RDH10: variants seen among roughly 807,000 people sequenced by gnomAD.
RDH10 encodes retinol dehydrogenase 10 (all-trans).
In RDH10, 12 loss-of-function variants were observed where a neutral mutation model predicts 30.2. The ratio of observed to expected loss-of-function variants is 0.40; its 90% confidence interval spans 0.25 to 0.64. The LOEUF is 0.64. Among genes scored for constraint, RDH10 ranks in the 30% least tolerant of loss-of-function variants. The pLI is 0.43. For missense variants in RDH10, 268 were observed against 445.2 expected (o/e 0.60, Z 3.58); for synonymous variants, 189 against 172.2 (o/e 1.10, Z -0.76).
chr8:73,320,704 T>A (rs1054974916), intron 3 of RDH10, among the ~76,000 whole-genome samples: 9 of 152,136 alleles, frequency 5.9e-5, no homozygotes, highest in Non-Finnish European at 1.5e-5. Flanking sequence ...GCTCCTGACC[T>A]TAAGTGATCC....
intron 1 of RDH10, chr8:73,295,891 C>T: frequency 8.5e-7 from 1 of 1,174,114 alleles, no homozygotes; most frequent in Non-Finnish European, 1.1e-6. Flanking sequence ...AGGTTTGGAT[C>T]CCAAAGAAAT....
intron 2 of RDH10, among the ~76,000 whole-genome samples, chr8:73,306,089 G>A (rs888927102): frequency 7.2e-5 from 11 of 152,308 alleles, no homozygotes; most frequent in African/African-American, 2.6e-4. Flanking sequence ...GCATACAGCT[G>A]GTCCCCATAA....
At chr8:73,301,289 A>G (rs1381314424) in intron 2 of RDH10, among the ~76,000 whole-genome samples, 1 of 149,372 alleles carries the variant, frequency 6.7e-6, no homozygotes, top group Non-Finnish European at 1.5e-5. Flanking sequence ...TGACCTCGTG[A>G]TCCGCCCGCC....
rs938209799 is a variant in RDH10, at chr8:73,295,448, G to T, written c.159G>T (p.Ala53=). The T allele has an allele frequency of 1.3e-6, 2 of 1,550,296 alleles. No individual in the cohort carries two copies. Among genetic ancestry groups the T allele is most frequent in the Non-Finnish European group, 1.7e-6 (2 of 1,148,536 alleles). The change falls in exon 1 of 6, where the codon GCG becomes GCT. Residue 53 remains alanine (A), a synonymous_variant. Coordinates refer to ENST00000240285, the MANE Select transcript of RDH10 (RefSeq NM_172037.5). ...GCAGCGGCCTGGGCCGCCTCTTCGC[G>T]CTGGAGTTCGCCCGGCGTCGGGCGC... is the stretch of plus-strand genomic sequence containing the variant. The part of the protein sequence containing the change: ...GAGSGLGRLF[A]LEFARRRALL...
chr8:73,318,242 C>T (rs142385073), intron 2 of RDH10, among the ~76,000 whole-genome samples: 1,700 of 151,996 alleles, frequency 0.011, 27 homozygotes, highest in African/African-American at 0.038. Context: ...TTGATACAGC[C>T]TTGCATTTTG....
intron 2 of RDH10, among the ~76,000 whole-genome samples, chr8:73,317,337 A>C (rs1186072811): frequency 6.6e-6 from 1 of 152,212 alleles, no homozygotes; most frequent in Non-Finnish European, 1.5e-5. Flanking sequence ...AGACTATATA[A>C]ATATGTGATG....
At chr8:73,317,034 G>A (rs1814682342) in intron 2 of RDH10, among the ~76,000 whole-genome samples, 1 of 152,210 alleles carries the variant, frequency 6.6e-6, no homozygotes, top group Non-Finnish European at 1.5e-5. Flanking sequence ...CTCCTCCACA[G>A]TGCCTGTCTC....
chr8:73,317,611 CA>C (rs1814695716), intron 2 of RDH10, among the ~76,000 whole-genome samples: 2 of 152,112 alleles, frequency 1.3e-5, no homozygotes, highest in Admixed American at 1.3e-4. Flanking sequence ...TCAATCTTTA[CA>C]CACAAAAATT....
chr8:73,295,783 T>C, intron 1 of RDH10: 1 of 992,976 alleles, frequency 1.0e-6, no homozygotes. Context: ...AGGTGCCCTG[T>C]CCTCGCGGAG....
Position 73,295,573 on chromosome 8 carries a change from T to C in RDH10, c.284T>C (p.Leu95Pro), listed in dbSNP as rs1214058857. The C allele has an allele frequency of 6.6e-7, 1 of 1,518,776 alleles. No individual in the cohort carries two copies. The allele number at this position is 1,518,776 out of a possible 1,614,324, so 94.1% of individuals were successfully genotyped here. ...RDLEAADAAA[L>P]QAGNGEEEIL... ...CTGGAGGCGGCCGACGCCGCTGCGC[T>C]GCAAGGTAACCTGGACCCGCGCGGG... The change falls in exon 1 of 6, where the codon CTG (leucine) becomes CCG (proline). Residue 95 changes from leucine (L) to proline (P), a missense_variant. Physicochemically the swap from Leu to Pro is moderately conservative, Grantham distance 98. Around this residue, in one of 4 missense-constraint regions of RDH10, gnomAD observed 46 missense variants for 36.7 expected, o/e 1.25. Coordinates refer to ENST00000240285, the MANE Select transcript of RDH10 (RefSeq NM_172037.5).
At chr8:73,313,919 T>C (rs17287095) in intron 2 of RDH10, among the ~76,000 whole-genome samples, 26,245 of 152,190 alleles carry the variant, frequency 0.17, 2,530 homozygotes, top group Middle Eastern at 0.22. Flanking sequence ...TATCCATCCT[T>C]ATACTTGATG....
At chr8:73,295,790 G>A (rs933332401) in intron 1 of RDH10, 11 of 1,056,876 alleles carry the variant, frequency 1.0e-5, no homozygotes, top group Non-Finnish European at 1.4e-5. Flanking sequence ...CTGTCCTCGC[G>A]GAGGTTCGGT....
intron 2 of RDH10, chr8:73,312,143 C>A (rs1402030518): frequency 1.3e-5 from 2 of 152,162 alleles, no homozygotes. Flanking sequence ...CACCATTTTA[C>A]ATTTTTTAAC....
Position 73,294,804 on chromosome 8 carries a change from C to A in RDH10, c.-486C>A. The stretch of plus-strand genomic sequence containing the variant: ...CGCACCCCACTCTCCCACCCTCTCG[C>A]AACTTGGGTCGAGTTGACAACTCCC... On this transcript the variant is annotated 5_prime_UTR_variant, in exon 1 of 6. Transcript: ENST00000240285. The A allele has an allele frequency of 2.7e-6, 1 of 374,464 alleles. No homozygotes were observed. The highest frequency in any genetic ancestry group is 4.8e-6 in the Non-Finnish European group (1 of 210,316). 23.2% of individuals were successfully genotyped at this position (374,464 alleles called of 1,614,324 possible).
intron 2 of RDH10, among the ~76,000 whole-genome samples, chr8:73,302,458 G>T (rs1814396415): frequency 6.6e-6 from 1 of 152,164 alleles, no homozygotes; most frequent in Non-Finnish European, 1.5e-5. Flanking sequence ...GGCCGAGGAG[G>T]GTGGATTGCT....
chr8:73,298,815 G>A (rs529673293), intron 2 of RDH10, among the ~76,000 whole-genome samples: 1 of 152,026 alleles, frequency 6.6e-6, no homozygotes, highest in African/African-American at 2.4e-5. Context: ...ACCGCACCTG[G>A]CCTGTTTATT....
At chr8:73,319,297 C>A in intron 3 of RDH10, 103 bp downstream of exon 3, 1 of 783,246 alleles carries the variant, frequency 1.3e-6, no homozygotes, top group East Asian at 2.6e-5. Context: ...TTCATGAAAG[C>A]TGCACGAAGG....
At chr8:73,313,698 A>G (rs1378435667) in intron 2 of RDH10, among the ~76,000 whole-genome samples, 1 of 152,168 alleles carries the variant, frequency 6.6e-6, no homozygotes, top group African/African-American at 2.4e-5. Flanking sequence ...GACCCCCTAG[A>G]TCAAGAGTCA....
intron 2 of RDH10, among the ~76,000 whole-genome samples, chr8:73,316,224 C>T (rs1814661469): frequency 6.6e-6 from 1 of 152,046 alleles, no homozygotes; most frequent in Non-Finnish European, 1.5e-5. Flanking sequence ...CACAGTGTTT[C>T]CTAGGGTGGT....
Sources: allele counts gnomAD v4.1 joint callset (sites outside exome capture counted in the v4.1 genomes callset), GRCh38; gene constraint gnomAD v4.1.1; regional missense constraint gnomAD v4.1.1; transcripts MANE v1.5; gene names NCBI Gene and HGNC (gene_info 2026-07-23, HGNC 2026-07-21).